R3HCC1L: variants seen among roughly 807,000 people sequenced by gnomAD.
The protein encoded by R3HCC1L is coiled-coil domain-containing protein R3HCC1L.
In R3HCC1L, 51 loss-of-function variants were observed where a neutral mutation model predicts 59.9. That is an observed-to-expected ratio of 0.85 (90% CI 0.68 to 1.07). R3HCC1L has a LOEUF of 1.07. Ranked by LOEUF, R3HCC1L falls within the 50% of genes least tolerant of loss-of-function variation. The pLI is 0.00. For synonymous variants in R3HCC1L, 322 were observed against 315.2 expected (o/e 1.02, Z -0.23); for missense variants, 965 against 933.0 (o/e 1.03, Z -0.45).
rs1851378065 is a variant in R3HCC1L, at chr10:98,195,861, A to G, written c.-14-12240A>G. On this transcript the variant is annotated intron_variant, in intron 4 of 9. Transcript: ENST00000298999. ...ATCCATAAAGTCAGCCAGTATTCCA[A>G]AGCTGTATACTGACTATTGCTAAAG... Among the ~76,000 whole-genome samples the G allele has an allele frequency of 3.3e-5, 5 of 152,282 alleles. No homozygotes were observed. The South Asian group carries it at 1.0e-3, about 32-fold the overall frequency.
intron 4 of R3HCC1L, among the ~76,000 whole-genome samples, chr10:98,197,202 A>T (rs572003567): frequency 7.2e-5 from 9 of 125,368 alleles, no homozygotes; most frequent in Non-Finnish European, 1.4e-4. Flanking sequence ...GATGCAAGCC[A>T]CCATGCCCCC....
intron 1 of R3HCC1L, among the ~76,000 whole-genome samples, chr10:98,146,005 A>G (rs1845615785): frequency 6.6e-6 from 1 of 152,232 alleles, no homozygotes; most frequent in African/African-American, 2.4e-5. Context: ...TGTCCCCAAA[A>G]GAATATGATC....
At chr10:98,139,774 T>C (rs1844959320) in intron 1 of R3HCC1L, among the ~76,000 whole-genome samples, 1 of 152,210 alleles carries the variant, frequency 6.6e-6, no homozygotes, top group African/African-American at 2.4e-5. Context: ...CACTGTCTCA[T>C]GCTAGCCTTC....
intron 5 of R3HCC1L, among the ~76,000 whole-genome samples, chr10:98,229,828 A>G (rs1487280499): frequency 6.6e-6 from 1 of 152,160 alleles, no homozygotes; most frequent in Admixed American, 6.5e-5. Context: ...TTCTGCATCT[A>G]TTGAGATAAT....
Position 98,244,124 on chromosome 10 carries a change from A to T in R3HCC1L, c.2303A>T (p.Asp768Val), listed in dbSNP as rs928508232. The T allele has an allele frequency of 6.8e-6, 11 of 1,614,046 alleles. No individual in the cohort carries two copies. The highest frequency in any genetic ancestry group is 9.3e-6 in the Non-Finnish European group (11 of 1,179,912). The change falls in exon 10 of 10, where the codon GAC becomes GTC. Residue 768 changes from aspartate (D) to valine (V), a missense_variant. Transcript: ENST00000298999. ...RKRLEAKQREDIWEGRDQSTV is the reference protein window; with the variant it reads ...RKRLEAKQREVIWEGRDQSTV ...CGGTTGGAAGCCAAGCAACGGGAAG[A>T]CATCTGGGAAGGCAGAGACCAGTCT...
intron 4 of R3HCC1L, among the ~76,000 whole-genome samples, chr10:98,190,044 TA>T (rs1850662440): frequency 6.6e-6 from 1 of 152,252 alleles, no homozygotes; most frequent in South Asian, 2.1e-4. Context: ...TATTTGTATA[TA>T]ACCTATGTAC....
intron 1 of R3HCC1L, among the ~76,000 whole-genome samples, chr10:98,144,228 A>G (rs1379157419): frequency 6.6e-6 from 1 of 151,994 alleles, no homozygotes; most frequent in African/African-American, 2.4e-5. Context: ...TCATTCATTC[A>G]TTCCCGAGAT....
chr10:98,162,557 A>G (rs769936633), intron 2 of R3HCC1L, among the ~76,000 whole-genome samples: 3 of 152,144 alleles, frequency 2.0e-5, no homozygotes, highest in Non-Finnish European at 4.4e-5. Context: ...TTATCCATCT[A>G]CCATTCAGCT....
At chr10:98,156,588 A>G (rs557779473) in intron 2 of R3HCC1L, among the ~76,000 whole-genome samples, 3 of 152,302 alleles carry the variant, frequency 2.0e-5, no homozygotes, top group East Asian at 3.9e-4. Context: ...CTAGTTTTAT[A>G]TAGTGTTTTG....
chr10:98,193,739 T>C (rs192022525), intron 4 of R3HCC1L, among the ~76,000 whole-genome samples: 186 of 152,290 alleles, frequency 1.2e-3, no homozygotes, highest in Middle Eastern at 6.8e-3. Flanking sequence ...CCCTTGAGTA[T>C]GACCTTTGAG....
chr10:98,205,386 T>C (rs539011600), intron 4 of R3HCC1L, among the ~76,000 whole-genome samples: 1 of 152,358 alleles, frequency 6.6e-6, no homozygotes, highest in South Asian at 2.1e-4. Flanking sequence ...GCTTGATTTC[T>C]TATTTCTTGA....
At chr10:98,232,627 C>T (rs1415775972) in intron 6 of R3HCC1L, among the ~76,000 whole-genome samples, 1 of 152,084 alleles carries the variant, frequency 6.6e-6, no homozygotes, top group Non-Finnish European at 1.5e-5. Context: ...ATGTTTCAGT[C>T]CTGATATTTA....
chr10:98,238,315 TAG>T (rs761700162), intron 9 of R3HCC1L, among the ~76,000 whole-genome samples: 3 of 152,190 alleles, frequency 2.0e-5, no homozygotes, highest in Non-Finnish European at 4.4e-5. Flanking sequence ...TTAGGAGAAT[TAG>T]AAAGATGGCA....
At chr10:98,179,615 T>C (rs1849421635) in intron 4 of R3HCC1L, among the ~76,000 whole-genome samples, 1 of 152,196 alleles carries the variant, frequency 6.6e-6, no homozygotes, top group Admixed American at 6.5e-5. Context: ...TTTCTATTGA[T>C]TGGAATAGTG....
chr10:98,154,923 AT>A (rs1178073263), intron 1 of R3HCC1L, among the ~76,000 whole-genome samples: 12 of 152,228 alleles, frequency 7.9e-5, no homozygotes, highest in African/African-American at 2.4e-4. Context: ...AAAGAAAAAA[AT>A]ATCCGTATAT....
chr10:98,135,116 C>T (rs1267703955), intron 1 of R3HCC1L, among the ~76,000 whole-genome samples: 1 of 152,236 alleles, frequency 6.6e-6, no homozygotes, highest in Non-Finnish European at 1.5e-5. Flanking sequence ...CTTCGAGCCT[C>T]GCCTTTGAGC....
intron 4 of R3HCC1L, among the ~76,000 whole-genome samples, chr10:98,187,942 T>C (rs1330155339): frequency 6.6e-6 from 1 of 151,940 alleles, no homozygotes; most frequent in African/African-American, 2.4e-5. Flanking sequence ...AGAGTCTCGC[T>C]ATGTTGCCTA....
chr10:98,239,641 T>C (rs1182129565), intron 9 of R3HCC1L, among the ~76,000 whole-genome samples: 1 of 152,212 alleles, frequency 6.6e-6, no homozygotes, highest in Non-Finnish European at 1.5e-5. Context: ...TTAAGAATTT[T>C]GAATTTGTGA....
At chr10:98,202,230 T>G (rs982098234) in intron 4 of R3HCC1L, among the ~76,000 whole-genome samples, 46 of 152,146 alleles carry the variant, frequency 3.0e-4, no homozygotes, top group Non-Finnish European at 2.2e-4. Flanking sequence ...AAAGATGGAA[T>G]CAGAGAAGAA....
Sources: gnomAD v4.1 joint callset for allele counts (sites outside exome capture counted in the v4.1 genomes callset) on GRCh38, gnomAD v4.1.1 for gene constraint, MANE v1.5 for transcripts, NCBI Gene and HGNC (gene_info 2026-07-23, HGNC 2026-07-21) for gene names.